The following TTC33 variants were observed in gnomAD, a reference collection of about 807,000 sequenced individuals.
The protein encoded by TTC33 is tetratricopeptide repeat domain 33, also known as tetratricopeptide repeat protein 33.
TTC33 carries 24 observed loss-of-function variants against 29.4 expected under a neutral mutation model. That is an observed-to-expected ratio of 0.82 (90% CI 0.59 to 1.15). TTC33 has a LOEUF of 1.15. Among genes scored for constraint, TTC33 ranks in the 50% most tolerant of loss-of-function variants. The probability of loss-of-function intolerance (pLI) is 0.00; values close to 1 mark genes in which losing one functional copy is unlikely to be tolerated. For synonymous variants in TTC33, 107 were observed against 100.3 expected (o/e 1.07, Z -0.40); for missense variants, 286 against 310.4 (o/e 0.92, Z 0.59).
chr5:40,716,415 C>G lies in TTC33; in HGVS notation c.519G>C (p.Thr173=). The part of the protein sequence containing the change: ...IWKEDLSWAR[T]LQEQQKVAQR... Reference sequence around the variant, plus strand: ...GTGCTACCTTCTGCTGCTCCTGGAGCGTTCTTGCCCAAGAGAGGTCTTCTT... The same window carrying G: ...GTGCTACCTTCTGCTGCTCCTGGAGGGTTCTTGCCCAAGAGAGGTCTTCTT... The change falls in exon 5 of 5, where the codon ACG becomes ACC. Residue 173 remains threonine, a synonymous_variant. Transcript: ENST00000337702. 1 of 1,613,826 alleles carries G rather than the reference C, an allele frequency of 6.2e-7. No individual in the cohort carries two copies. Among genetic ancestry groups the G allele is most frequent in the Non-Finnish European group, 8.5e-7 (1 of 1,180,014 alleles).
intron 2 of TTC33, among the ~76,000 whole-genome samples, chr5:40,730,565 A>G (rs1742403285): frequency 1.3e-5 from 2 of 152,020 alleles, no homozygotes; most frequent in South Asian, 4.1e-4. Context: ...CCCAAACTGA[A>G]ACTCCATACC....
At position 40,712,589 on chromosome 5, in the gene TTC33, C is replaced by T. The variant is rs1487891091; in HGVS notation, c.*3556G>A. On this transcript the variant is annotated 3_prime_UTR_variant, in exon 5 of 5. Transcript: ENST00000337702. ...GGCAGTTCTGCACAAGCACAAATCT[C>T]CCTTTGCAGAGGCAAAGAACTTTCA... 1.3e-5 allele frequency among the ~76,000 whole-genome samples: 2 copies of T among 152,222 alleles called. No individual in the cohort carries two copies. The highest frequency in any genetic ancestry group is 2.9e-5 in the Non-Finnish European group (2 of 68,030).
chr5:40,731,253 T>C (rs1447976176), intron 2 of TTC33, among the ~76,000 whole-genome samples: 1 of 152,128 alleles, frequency 6.6e-6, no homozygotes, highest in South Asian at 2.1e-4. Flanking sequence ...GTTGGACTGT[T>C]TGTCCAATCT....
intron 2 of TTC33, among the ~76,000 whole-genome samples, chr5:40,739,666 A>G (rs1742652208): frequency 6.6e-6 from 1 of 152,132 alleles, no homozygotes; most frequent in Non-Finnish European, 1.5e-5. Flanking sequence ...GGCTCCCCAG[A>G]AGCTGAGCAG....
At chr5:40,739,009 T>C (rs1321342360) in intron 2 of TTC33, among the ~76,000 whole-genome samples, 1 of 152,180 alleles carries the variant, frequency 6.6e-6, no homozygotes, top group African/African-American at 2.4e-5. Flanking sequence ...ACTTTTCATG[T>C]TCTCAATTAA....
At chr5:40,738,489 CAAT>C (rs1561151137) in intron 2 of TTC33, among the ~76,000 whole-genome samples, 1 of 101,636 alleles carries the variant, frequency 9.8e-6, no homozygotes, top group East Asian at 2.7e-4. Flanking sequence ...CAATACAATA[CAAT>C]ACAATACAAT....
In TTC33 at chr5:40,713,675, G is replaced by A. The variant is rs1387235512; in HGVS notation, c.*2470C>T. On this transcript the variant is annotated 3_prime_UTR_variant, in exon 5 of 5. Transcript: ENST00000337702. ...TGGATGTCTAGACACTCTGACTAAT[G>A]AGTGTCTATGCCATACAATTCTCAA... Among the ~76,000 whole-genome samples, 4 of 152,144 alleles carry A rather than the reference G, an allele frequency of 2.6e-5. No homozygotes were observed. The highest frequency in any genetic ancestry group is 5.9e-5 in the Non-Finnish European group (4 of 68,014).
At chr5:40,725,977 G>C (rs1013194938) in intron 4 of TTC33, among the ~76,000 whole-genome samples, 52 of 151,628 alleles carry the variant, frequency 3.4e-4, no homozygotes, top group South Asian at 8.3e-4. Context: ...AGTAGAGACG[G>C]GGTTTCACCG....
chr5:40,726,569 A>G (rs1048416207), intron 4 of TTC33, among the ~76,000 whole-genome samples: 6 of 151,880 alleles, frequency 4.0e-5, no homozygotes, highest in Admixed American at 3.3e-4. Flanking sequence ...AATACTTTCA[A>G]TTCTTCTAAG....
At chr5:40,723,028 A>G (rs1290335344) in intron 4 of TTC33, among the ~76,000 whole-genome samples, 1 of 152,208 alleles carries the variant, frequency 6.6e-6, no homozygotes, top group Non-Finnish European at 1.5e-5. Flanking sequence ...GAGAGATCGG[A>G]TTGTTACTGT....
chr5:40,750,421 G>A (rs2111940372), intron 1 of TTC33, among the ~76,000 whole-genome samples: 1 of 152,198 alleles, frequency 6.6e-6, no homozygotes, highest in East Asian at 1.9e-4. Flanking sequence ...ATCCAGGCGT[G>A]GTGGTACACA....
At chr5:40,746,234 GGAAAAAA>G (rs1328149799) in intron 2 of TTC33, among the ~76,000 whole-genome samples, 31 of 151,732 alleles carry the variant, frequency 2.0e-4, no homozygotes, top group Admixed American at 9.2e-4. Context: ...AAAGAGGAAA[GGAAAAAA>G]GAAAAAAGAA....
intron 4 of TTC33, among the ~76,000 whole-genome samples, chr5:40,725,716 T>C (rs79208792): frequency 0.064 from 9,718 of 151,994 alleles, 561 homozygotes; most frequent in East Asian, 0.31. Context: ...AAATCCCTTA[T>C]GTATTCCTTT....
In TTC33 at chr5:40,738,499, C is replaced by CAATAAAATACAATAAAATAA. The variant is rs1404803799; in HGVS notation, c.222-8157_222-8156insTTATTTTATTGTATTTTATT. Among the ~76,000 whole-genome samples, 9 of 80,846 alleles carry CAATAAAATACAATAAAATAA rather than the reference C, an allele frequency of 1.1e-4. No homozygotes were observed. The South Asian group carries it at 1.3e-3, about 12-fold the overall frequency. The allele number at this position is 80,846 out of a possible 152,430, so 53.0% of individuals were successfully genotyped here. A position where few individuals can be genotyped will look rare whatever the true frequency, so the allele number is the denominator to read the frequency against. On this transcript the variant is annotated intron_variant, in intron 2 of 4. Coordinates refer to ENST00000337702, the MANE Select transcript of TTC33 (RefSeq NM_012382.3). ...CAATACAATACAATACAATACAATA[C>CAATAAAATACAATAAAATAA]AATACAATAAAATACAATAAAATAA...
intron 2 of TTC33, among the ~76,000 whole-genome samples, chr5:40,741,845 C>G (rs1022541911): frequency 2.0e-5 from 3 of 151,968 alleles, no homozygotes; most frequent in Non-Finnish European, 4.4e-5. Context: ...AAAAATTAGC[C>G]AGGCGTGGTG....
At chr5:40,743,805 A>G (rs1163116397) in intron 2 of TTC33, among the ~76,000 whole-genome samples, 1 of 152,206 alleles carries the variant, frequency 6.6e-6, no homozygotes, top group Non-Finnish European at 1.5e-5. Context: ...GTTATTTTCT[A>G]AAGCAGTATA....
In TTC33 at chr5:40,712,038, C is replaced by T. The variant is rs370456349; in HGVS notation, c.*4107G>A. On this transcript the variant is annotated 3_prime_UTR_variant, in exon 5 of 5. Coordinates refer to ENST00000337702, the MANE Select transcript of TTC33 (RefSeq NM_012382.3). ...TTTGTCAAAACTCTCCCAACTATAA[C>T]GTTAAAATACTTGCATTTTATTATT... is the stretch of plus-strand genomic sequence containing the variant. 1.4e-4 allele frequency among the ~76,000 whole-genome samples: 21 copies of T among 152,150 alleles called. 1 individual carries two copies. The highest frequency in any genetic ancestry group is 4.8e-4 in the African/African-American group (20 of 41,542).
intron 2 of TTC33, among the ~76,000 whole-genome samples, chr5:40,742,500 G>A (rs376803413): frequency 6.6e-6 from 1 of 152,122 alleles, no homozygotes; most frequent in African/African-American, 2.4e-5. Context: ...TTGCAAAGCT[G>A]GTCAACAGCA....
At chr5:40,745,449 C>G (rs1395153991) in intron 2 of TTC33, among the ~76,000 whole-genome samples, 1 of 151,908 alleles carries the variant, frequency 6.6e-6, no homozygotes, top group Non-Finnish European at 1.5e-5. Context: ...TATGTGTATG[C>G]ATGTGTAGAA....
Sources: allele counts gnomAD v4.1 joint callset (sites outside exome capture counted in the v4.1 genomes callset), GRCh38; gene constraint gnomAD v4.1.1; transcripts MANE v1.5; gene names NCBI Gene and HGNC (gene_info 2026-07-23, HGNC 2026-07-21).